MYO6: variants seen among roughly 807,000 people sequenced by gnomAD.
MYO6 encodes myosin VI.
Under a neutral mutation model 178.7 loss-of-function variants are expected in MYO6, and 74 were observed. The observed-to-expected ratio is 0.41, with a 90% CI of 0.34 to 0.50. The LOEUF is 0.50. Ranked by LOEUF, MYO6 falls within the 20% of genes least tolerant of loss-of-function variation. MYO6 has a pLI of 0.09. For missense variants in MYO6, 1,330 were observed against 1,547.4 expected, an observed-to-expected ratio of 0.86 and a Z score of 2.36; for synonymous variants, 477 against 504.6, an observed-to-expected ratio of 0.95 and a Z score of 0.73.
At chr6:75,864,185 T>A (rs1464051137) in intron 16 of MYO6, among the ~76,000 whole-genome samples, 1 of 152,210 alleles carries the variant, frequency 6.6e-6, no homozygotes, top group African/African-American at 2.4e-5. Flanking sequence ...CTGTATATTA[T>A]TTTGAGATTG....
intron 15 of MYO6, among the ~76,000 whole-genome samples, chr6:75,862,249 A>G (rs777406428): frequency 6.6e-6 from 1 of 152,228 alleles, no homozygotes; most frequent in Non-Finnish European, 1.5e-5. Flanking sequence ...AAGTTTCTGT[A>G]GTTTTACTTT....
rs1248863403 is a variant in MYO6, at chr6:75,916,131, C to T, written c.*1119C>T. The T allele has an allele frequency of 6.6e-6, 1 of 152,036 alleles. No homozygotes were observed. The highest frequency in any genetic ancestry group is 1.5e-5 in the Non-Finnish European group (1 of 68,016). 9.4% of individuals were successfully genotyped at this position (152,036 alleles called of 1,614,324 possible). ...GCAGCTTTAAGCCTAATATTTATGA[C>T]TTTCACATTTGGAATTTAAAGACAA... On this transcript the variant is annotated 3_prime_UTR_variant, in exon 35 of 35. Transcript: ENST00000369977.
chr6:75,830,703 AT>A (rs1772994327), intron 5 of MYO6, among the ~76,000 whole-genome samples, 158 bp downstream of exon 5: 1 of 152,206 alleles, frequency 6.6e-6, no homozygotes, highest in Non-Finnish European at 1.5e-5. Flanking sequence ...AGGAGCAAGT[AT>A]TTTACACAGG....
At chr6:75,767,065 G>A (rs573921999) in intron 1 of MYO6, among the ~76,000 whole-genome samples, 17 of 149,232 alleles carry the variant, frequency 1.1e-4, no homozygotes, top group South Asian at 4.2e-4. Context: ...TTGCTCTGTC[G>A]CCCAGGCTGG....
rs1173435368 is a variant in MYO6, at chr6:75,902,640, C to T, written c.3176+4229C>T. On this transcript the variant is annotated intron_variant, in intron 30 of 34. Transcript: ENST00000369977. ...TTTTTTTCTTTATTAGTCTTGCTAG[C>T]GGTCTATCAATTTTGTTGATCCTTT... Among the ~76,000 whole-genome samples the T allele has an allele frequency of 1.8e-4, 27 of 151,994 alleles. 2 individuals are homozygous for T. In the South Asian group the frequency reaches 4.2e-3, roughly 23 times the overall value.
At chr6:75,880,633 A>T (rs1777934915) in intron 22 of MYO6, among the ~76,000 whole-genome samples, 1 of 152,246 alleles carries the variant, frequency 6.6e-6, no homozygotes. Context: ...TTTGAGAACT[A>T]ATAGTCTCAT....
At chr6:75,772,203 C>A (rs1261927312) in intron 1 of MYO6, among the ~76,000 whole-genome samples, 1 of 152,048 alleles carries the variant, frequency 6.6e-6, no homozygotes, top group Non-Finnish European at 1.5e-5. Flanking sequence ...TCTGTAACCT[C>A]TTTTTGTCTC....
Position 75,887,760 on chromosome 6 carries a change from T to G in MYO6, c.2658+766T>G, listed in dbSNP as rs1026367529. On this transcript the variant is annotated intron_variant, in intron 25 of 34. Coordinates refer to ENST00000369977, the MANE Select transcript of MYO6 (RefSeq NM_004999.4). ...AGGCCGAGGCAGGCGGATCACAAGG[T>G]CAGGAGATTGAGACCATCCTGGCTA... is the stretch of plus-strand genomic sequence containing the variant. Among the ~76,000 whole-genome samples the G allele has an allele frequency of 3.9e-5, 5 of 129,836 alleles. 1 individual carries two copies. Among genetic ancestry groups the G allele is most frequent in the Non-Finnish European group, 6.5e-5 (4 of 61,578 alleles). 85.2% of individuals were successfully genotyped at this position (129,836 alleles called of 152,430 possible).
chr6:75,774,753 C>T (rs931905672), intron 1 of MYO6, among the ~76,000 whole-genome samples: 4 of 151,932 alleles, frequency 2.6e-5, no homozygotes, highest in African/African-American at 9.7e-5. Flanking sequence ...TGAAGTGGTG[C>T]TTAAAACTGG....
At chr6:75,828,683 C>A in intron 4 of MYO6, 70 bp downstream of exon 4, 2 of 1,026,648 alleles carry the variant, frequency 1.9e-6, no homozygotes, top group Non-Finnish European at 3.1e-6. Context: ...TTGATTTTGT[C>A]ACGCTTGAAA....
rs756404990 is a variant in MYO6 at position 75,866,988 on chromosome 6, A to G, written c.1827A>G (p.Ile609Met). The G allele has an allele frequency of 8.1e-6, 13 of 1,613,698 alleles. No individual in the cohort carries two copies. Among genetic ancestry groups the G allele is most frequent in the Non-Finnish European group, 1.1e-5 (13 of 1,179,740 alleles). The part of the protein sequence containing the change: ...DALHMSLESL[I>M]CESRDKFIRE... ...TACATATGTCTCTTGAATCCTTAAT[A>G]TGTGAATCCAGAGATAAGTTTATAC... Residue 609 changes from isoleucine (I) to methionine (M), a missense_variant, in exon 18 of 35, where the codon ATA becomes ATG. Physicochemically the swap from Ile to Met is conservative, Grantham distance 10 (BLOSUM62 1). Transcript: ENST00000369977.
intron 1 of MYO6, among the ~76,000 whole-genome samples, chr6:75,807,861 C>G (rs896387446): frequency 2.6e-5 from 4 of 152,116 alleles, no homozygotes; most frequent in Non-Finnish European, 5.9e-5. Flanking sequence ...TTCTGCTGAC[C>G]TCCTCTCTCA....
rs187891818 is a variant in MYO6 at position 75,865,576 on chromosome 6, G to T, written c.1675-950G>T. Among the ~76,000 whole-genome samples, 7 of 151,674 alleles carry T rather than the reference G, an allele frequency of 4.6e-5. No homozygotes were observed. The East Asian group carries it at 1.4e-3, about 29-fold the overall frequency. On this transcript the variant is annotated intron_variant, in intron 16 of 34. Coordinates refer to ENST00000369977, the MANE Select transcript of MYO6 (RefSeq NM_004999.4). ...GATGGGGTTTTGCCATGTTGCTCAG[G>T]CTGGTCTCAAACTCCTGAACTCAAG... is the stretch of plus-strand genomic sequence containing the variant.
At chr6:75,847,193 A>G (rs1027160426) in intron 10 of MYO6, among the ~76,000 whole-genome samples, 2 of 152,136 alleles carry the variant, frequency 1.3e-5, no homozygotes, top group African/African-American at 4.8e-5. Context: ...TTTTGGCTGC[A>G]TGTGATTGTT....
At chr6:75,757,677 C>A (rs1241825788) in intron 1 of MYO6, among the ~76,000 whole-genome samples, 3 of 151,980 alleles carry the variant, frequency 2.0e-5, no homozygotes, top group African/African-American at 7.2e-5. Context: ...ATAGGCAGAC[C>A]TGAGGCAATC....
Position 75,901,986 on chromosome 6 carries a change from G to C in MYO6, c.3176+3575G>C, listed in dbSNP as rs188469224. On this transcript the variant is annotated intron_variant, in intron 30 of 34. Coordinates refer to ENST00000369977, the MANE Select transcript of MYO6 (RefSeq NM_004999.4). ...TTTCTGCATCTATTGAGATAATCAT[G>C]TGGTTTTTGTCTTTGGTTCTGTTTA... 4.7e-3 allele frequency among the ~76,000 whole-genome samples: 716 copies of C among 152,306 alleles called. 3 individuals are homozygous for C. The highest frequency in any genetic ancestry group is 0.014 in the Middle Eastern group (4 of 294).
At chr6:75,891,153 A>G in intron 26 of MYO6, 75 bp from the exon 27 acceptor site, 2 of 971,618 alleles carry the variant, frequency 2.1e-6, no homozygotes, top group African/African-American at 1.6e-5. Context: ...TTATTATTAA[A>G]TAATAGTTAA....
At chr6:75,841,831 C>G (rs1774259054) in intron 9 of MYO6, among the ~76,000 whole-genome samples, 1 of 152,136 alleles carries the variant, frequency 6.6e-6, no homozygotes, top group African/African-American at 2.4e-5. Context: ...AGAATGACCA[C>G]TGTACTGAGA....
chr6:75,765,604 C>T (rs1778348895), intron 1 of MYO6, among the ~76,000 whole-genome samples: 1 of 151,948 alleles, frequency 6.6e-6, no homozygotes, highest in South Asian at 2.1e-4. Context: ...AAAAAATTAC[C>T]AGAAGTGATG....
Sources: gnomAD v4.1 joint callset for allele counts (sites outside exome capture counted in the v4.1 genomes callset) on GRCh38, gnomAD v4.1.1 for gene constraint, MANE v1.5 for transcripts, NCBI Gene and HGNC (gene_info 2026-07-23, HGNC 2026-07-21) for gene names.